Variants in CCDC138 observed in about 807,000 individuals in gnomAD.
The protein encoded by CCDC138 is coiled-coil domain containing 138.
Under a neutral mutation model 82.3 loss-of-function variants are expected in CCDC138, and 66 were observed. The observed-to-expected ratio is 0.80, with a 90% CI of 0.66 to 0.98. The LOEUF is 0.98. Among genes scored for constraint, CCDC138 ranks in the 50% least tolerant of loss-of-function variants. The pLI is 0.00. For missense variants in CCDC138, 816 were observed against 758.9 expected, an observed-to-expected ratio of 1.08 and a Z score of -0.88; for synonymous variants, 297 against 265.4, an observed-to-expected ratio of 1.12 and a Z score of -1.16.
In CCDC138 at chr2:108,815,185, T is replaced by C. The variant is rs1442580924; in HGVS notation, c.1042-756T>C. On this transcript the variant is annotated intron_variant, in intron 9 of 14. Transcript: ENST00000295124. ...TACTGGAAAGACAAAGTAACAATTT[T>C]TGTGAGAAGAGAAAGATAAGTTTCA... 3.3e-5 allele frequency among the ~76,000 whole-genome samples: 5 copies of C among 152,266 alleles called. No homozygotes were observed. In the East Asian group the frequency reaches 9.6e-4, roughly 29 times the overall value.
intron 12 of CCDC138, among the ~76,000 whole-genome samples, chr2:108,848,193 C>T (rs925705276): frequency 2.0e-5 from 3 of 152,124 alleles, no homozygotes; most frequent in Non-Finnish European, 4.4e-5. Flanking sequence ...AATATGTCAA[C>T]ATACATTATA....
chr2:108,789,618 A>G (rs150319850), intron 3 of CCDC138, among the ~76,000 whole-genome samples: 150 of 152,272 alleles, frequency 9.9e-4, no homozygotes, highest in African/African-American at 3.4e-3. Flanking sequence ...ACTACAAAAA[A>G]AACTGCCATA....
chr2:108,870,069 A>G (rs1695006926), intron 13 of CCDC138, among the ~76,000 whole-genome samples: 1 of 152,244 alleles, frequency 6.6e-6, no homozygotes, highest in Non-Finnish European at 1.5e-5. Context: ...TACATGAGCA[A>G]AATTTCTCAG....
intron 13 of CCDC138, among the ~76,000 whole-genome samples, chr2:108,859,957 T>C (rs1693285276): frequency 6.6e-6 from 1 of 152,192 alleles, no homozygotes; most frequent in South Asian, 2.1e-4. Context: ...TTCCATCTGT[T>C]TATGTCATCT....
chr2:108,853,753 T>C lies in CCDC138; in HGVS notation c.1517-3041T>C, dbSNP rs888232035. 3.4e-5 allele frequency among the ~76,000 whole-genome samples: 5 copies of C among 146,682 alleles called. No individual in the cohort carries two copies. In the South Asian group the frequency reaches 1.0e-3, roughly 31 times the overall value. On this transcript the variant is annotated intron_variant, in intron 12 of 14. Coordinates refer to ENST00000295124, the MANE Select transcript of CCDC138 (RefSeq NM_144978.3). ...GTTGCCCAAGCTGGTCTCAAACTCC[T>C]GGGCTGAAGCTGTCTTCCCCTCTTG...
intron 10 of CCDC138, among the ~76,000 whole-genome samples, chr2:108,816,403 A>G (rs1009811571): frequency 6.6e-6 from 1 of 152,134 alleles, no homozygotes; most frequent in African/African-American, 2.4e-5. Context: ...GTGAGCCAAG[A>G]TTGCAGCACT....
intron 10 of CCDC138, among the ~76,000 whole-genome samples, chr2:108,829,211 A>T (rs192448289): frequency 6.6e-6 from 1 of 152,306 alleles, no homozygotes; most frequent in East Asian, 1.9e-4. Flanking sequence ...AATGGGAGGA[A>T]ATATTAGCAA....
chr2:108,804,203 G>A (rs953927631), intron 6 of CCDC138, among the ~76,000 whole-genome samples: 1 of 152,092 alleles, frequency 6.6e-6, no homozygotes, highest in African/African-American at 2.4e-5. Context: ...GTAGAAACTT[G>A]TTTTAAAGCT....
At chr2:108,855,414 G>A (rs772151869) in intron 12 of CCDC138, among the ~76,000 whole-genome samples, 1 of 151,694 alleles carries the variant, frequency 6.6e-6, no homozygotes, top group Non-Finnish European at 1.5e-5. Context: ...GTGGCACTGT[G>A]ATAAAACTTT....
chr2:108,828,579 G>A (rs867426297), intron 10 of CCDC138, among the ~76,000 whole-genome samples: 2 of 152,162 alleles, frequency 1.3e-5, no homozygotes, highest in African/African-American at 2.4e-5. Flanking sequence ...ACAAGCGTAC[G>A]GAGACCACTC....
intron 11 of CCDC138, among the ~76,000 whole-genome samples, chr2:108,841,996 CAT>C (rs1368312212): frequency 6.6e-6 from 1 of 151,912 alleles, no homozygotes; most frequent in Non-Finnish European, 1.5e-5. Flanking sequence ...GATTAGAAGT[CAT>C]AGAAGTTGGA....
At chr2:108,793,976 T>C (rs1030730425) in intron 4 of CCDC138, among the ~76,000 whole-genome samples, 2 of 152,124 alleles carry the variant, frequency 1.3e-5, no homozygotes, top group Non-Finnish European at 2.9e-5. Flanking sequence ...CCAAATCAGC[T>C]CAAATTTCCA....
At chr2:108,848,250 A>G (rs984722114) in intron 12 of CCDC138, among the ~76,000 whole-genome samples, 2 of 152,238 alleles carry the variant, frequency 1.3e-5, no homozygotes, top group Non-Finnish European at 2.9e-5. Context: ...TGCTAAGAAA[A>G]GCAAAAATGC....
intron 10 of CCDC138, among the ~76,000 whole-genome samples, chr2:108,820,155 C>T (rs1256174310): frequency 1.3e-5 from 2 of 152,162 alleles, no homozygotes; most frequent in African/African-American, 4.8e-5. Context: ...CACCTGTAAT[C>T]TCAGTGCTTT....
intron 7 of CCDC138, among the ~76,000 whole-genome samples, chr2:108,810,656 G>A (rs1323460147): frequency 6.6e-6 from 1 of 152,164 alleles, no homozygotes; most frequent in Non-Finnish European, 1.5e-5. Flanking sequence ...TGGTATCATG[G>A]TAGTGCTGGC....
intron 13 of CCDC138, among the ~76,000 whole-genome samples, chr2:108,865,971 T>C (rs555722527): frequency 4.6e-5 from 7 of 152,150 alleles, no homozygotes; most frequent in Non-Finnish European, 8.8e-5. Flanking sequence ...GGGTACCTCT[T>C]TCTCTTCCTG....
rs779379173 is a variant in CCDC138, at chr2:108,798,481, T to G, written c.630T>G (p.Arg210=). The change falls in exon 6 of 15, where the codon CGT becomes CGG. Residue 210 remains arginine, a synonymous_variant. Coordinates refer to ENST00000295124, the MANE Select transcript of CCDC138 (RefSeq NM_144978.3). ...CTGAAGAACTTCAAAAGCGAGAACGTTTTTTACTTGAAAGAGAACAACTGC... is the reference window on the plus strand; with the variant it reads ...CTGAAGAACTTCAAAAGCGAGAACGGTTTTTACTTGAAAGAGAACAACTGC... ...KFAEELQKRE[R]FLLEREQLLF... The G allele has an allele frequency of 2.7e-5, 44 of 1,613,668 alleles. No individual in the cohort carries two copies. The highest frequency in any genetic ancestry group is 2.3e-4 in the South Asian group (21 of 91,056).
chr2:108,823,160 C>G (rs979791880), intron 10 of CCDC138, among the ~76,000 whole-genome samples: 2 of 152,064 alleles, frequency 1.3e-5, no homozygotes, highest in African/African-American at 2.4e-5. Flanking sequence ...AAACCCAAAC[C>G]TCCCAACAAT....
At chr2:108,846,596 G>T in intron 11 of CCDC138, 142 bp from the exon 12 acceptor site, 1 of 620,944 alleles carries the variant, frequency 1.6e-6, no homozygotes, top group Non-Finnish European at 2.8e-6. Flanking sequence ...AGGATTGCTT[G>T]AGCCCAGGAG....
Sources: allele counts gnomAD v4.1 joint callset (sites outside exome capture counted in the v4.1 genomes callset), GRCh38; gene constraint gnomAD v4.1.1; transcripts MANE v1.5; gene names NCBI Gene and HGNC (gene_info 2026-07-23, HGNC 2026-07-21).